YAP1: variants seen among roughly 807,000 people sequenced by gnomAD.
YAP1 encodes Yes1 associated transcriptional regulator.
In YAP1, 5 loss-of-function variants were observed where a neutral mutation model predicts 56.9. The ratio of observed to expected loss-of-function variants is 0.09; its 90% CI spans 0.05 to 0.18. The LOEUF is 0.18. Ranked by LOEUF, YAP1 falls within the 10% of genes least tolerant of loss-of-function variation. The pLI, the probability that YAP1 is intolerant of heterozygous loss-of-function variation, is 1.00. For missense variants in YAP1, 539 were observed against 651.8 expected, an observed-to-expected ratio of 0.83 and a Z score of 1.88; for synonymous variants, 265 against 248.1, an observed-to-expected ratio of 1.07 and a Z score of -0.64.
At chr11:102,181,142 G>GT (rs1440293747) in intron 3 of YAP1, among the ~76,000 whole-genome samples, 1 of 151,392 alleles carries the variant, frequency 6.6e-6, no homozygotes, top group African/African-American at 2.4e-5. Flanking sequence ...ATGAGACCCT[G>GT]CCTCAAAAAA....
rs1942840915 is a variant in YAP1 at position 102,110,743 on chromosome 11, C to T, written c.-106C>T. 2 of 1,073,278 alleles carry T rather than the reference C, an allele frequency of 1.9e-6. No individual in the cohort carries two copies. The highest frequency in any genetic ancestry group is 3.8e-5 in the South Asian group (1 of 26,180). The allele number at this position is 1,073,278 out of a possible 1,614,324, so 66.5% of individuals were successfully genotyped here. ...TGAGAGCGAGGACAGCGCCGCCCGGCCCGCAGCCGTCGCCGCTTCTCCACC... is the reference window on the plus strand; with the variant it reads ...TGAGAGCGAGGACAGCGCCGCCCGGTCCGCAGCCGTCGCCGCTTCTCCACC... On this transcript the variant is annotated 5_prime_UTR_variant, in exon 1 of 9. Coordinates refer to ENST00000282441, the MANE Select transcript of YAP1 (RefSeq NM_001130145.3).
At chr11:102,220,551 T>G (rs1565283722) in intron 6 of YAP1, among the ~76,000 whole-genome samples, 1 of 152,160 alleles carries the variant, frequency 6.6e-6, no homozygotes, top group Non-Finnish European at 1.5e-5. Context: ...AAGGTGCTTA[T>G]GCTGTTTTGA....
At chr11:102,145,765 T>C (rs1233743965) in intron 2 of YAP1, among the ~76,000 whole-genome samples, 1 of 152,230 alleles carries the variant, frequency 6.6e-6, no homozygotes, top group African/African-American at 2.4e-5. Context: ...GGATTAATAA[T>C]ACTTCATAAA....
intron 4 of YAP1, among the ~76,000 whole-genome samples, chr11:102,192,736 C>G (rs1948359042): frequency 6.6e-6 from 1 of 152,186 alleles, no homozygotes; most frequent in East Asian, 1.9e-4. Flanking sequence ...TCTCAATAGC[C>G]TTTTTGATTT....
At chr11:102,143,735 G>A (rs576098876) in intron 2 of YAP1, among the ~76,000 whole-genome samples, 3 of 152,278 alleles carry the variant, frequency 2.0e-5, no homozygotes, top group East Asian at 3.9e-4. Flanking sequence ...TGTTTTAATC[G>A]AACAGGTTAC....
intron 2 of YAP1, among the ~76,000 whole-genome samples, chr11:102,115,874 C>T (rs1943252115): frequency 6.6e-6 from 1 of 152,238 alleles, no homozygotes; most frequent in Non-Finnish European, 1.5e-5. Context: ...GAACCTCTCC[C>T]TGCTGGGTCA....
At chr11:102,141,740 A>G (rs1198514897) in intron 2 of YAP1, among the ~76,000 whole-genome samples, 1 of 152,106 alleles carries the variant, frequency 6.6e-6, no homozygotes. Context: ...TCTCATTTGA[A>G]TTTTAGGTGC....
intron 2 of YAP1, among the ~76,000 whole-genome samples, chr11:102,119,068 G>GTCT: frequency 6.6e-6 from 1 of 151,826 alleles, no homozygotes; most frequent in South Asian, 2.1e-4. Flanking sequence ...GGGAAGGCCA[G>GTCT]TCTCTGCTTG....
At chr11:102,112,773 GTGGGTTTA>G (rs1356470115) in intron 1 of YAP1, 5 of 985,204 alleles carry the variant, frequency 5.1e-6, no homozygotes, top group Non-Finnish European at 6.0e-6. Context: ...ACCCCTCGAA[GTGGGTTTA>G]TGGACTCATT....
At chr11:102,165,886 T>C (rs574403778) in intron 3 of YAP1, among the ~76,000 whole-genome samples, 508 of 152,236 alleles carry the variant, frequency 3.3e-3, no homozygotes, top group Non-Finnish European at 5.8e-3. Context: ...TAGTAGATAA[T>C]ATTGGGGAAC....
At chr11:102,129,363 G>A (rs1944236515) in intron 2 of YAP1, among the ~76,000 whole-genome samples, 1 of 152,116 alleles carries the variant, frequency 6.6e-6, no homozygotes, top group Non-Finnish European at 1.5e-5. Context: ...GCTCTCGCCT[G>A]TAATCCCAGC....
intron 2 of YAP1, among the ~76,000 whole-genome samples, chr11:102,133,337 C>T (rs1188058284): frequency 1.3e-5 from 2 of 152,002 alleles, no homozygotes; most frequent in Non-Finnish European, 2.9e-5. Context: ...ACTCTGCTAC[C>T]CCAGGGATGG....
At chr11:102,156,107 T>C (rs1267940965) in intron 2 of YAP1, among the ~76,000 whole-genome samples, 2 of 152,202 alleles carry the variant, frequency 1.3e-5, no homozygotes, top group African/African-American at 4.8e-5. Flanking sequence ...CCAATGTCTG[T>C]AACCTATATA....
At chr11:102,222,142 C>T (rs1435305161) in intron 6 of YAP1, among the ~76,000 whole-genome samples, 1 of 152,122 alleles carries the variant, frequency 6.6e-6, no homozygotes, top group Non-Finnish European at 1.5e-5. Context: ...TTCCATACTT[C>T]AGGACCCCAT....
At chr11:102,189,598 A>T (rs180730986) in intron 4 of YAP1, among the ~76,000 whole-genome samples, 1 of 152,282 alleles carries the variant, frequency 6.6e-6, no homozygotes, top group African/African-American at 2.4e-5. Context: ...CAGAATATTT[A>T]ATTCCTAACT....
intron 3 of YAP1, among the ~76,000 whole-genome samples, chr11:102,165,754 G>A (rs1049121398): frequency 6.6e-6 from 1 of 152,126 alleles, no homozygotes; most frequent in Non-Finnish European, 1.5e-5. Context: ...TTCACTGTAT[G>A]TTAACCAGGG....
intron 2 of YAP1, among the ~76,000 whole-genome samples, chr11:102,152,578 G>T (rs1416691932): frequency 6.6e-6 from 1 of 152,144 alleles, no homozygotes; most frequent in Non-Finnish European, 1.5e-5. Context: ...TGGTCAGGTG[G>T]TCTCCAAGTT....
At chr11:102,115,436 G>A (rs1334683216) in intron 2 of YAP1, among the ~76,000 whole-genome samples, 2 of 152,114 alleles carry the variant, frequency 1.3e-5, no homozygotes, top group African/African-American at 4.8e-5. Flanking sequence ...ATCCTAGTAT[G>A]TGTTTTATAT....
intron 2 of YAP1, among the ~76,000 whole-genome samples, chr11:102,121,430 C>A (rs1334524046): frequency 1.1e-5 from 1 of 94,454 alleles, no homozygotes; most frequent in Non-Finnish European, 2.1e-5. Context: ...GGGAGTGAGA[C>A]CTTGTCTCAA....
Sources: gnomAD v4.1 joint callset for allele counts (sites outside exome capture counted in the v4.1 genomes callset) on GRCh38, gnomAD v4.1.1 for gene constraint, MANE v1.5 for transcripts, NCBI Gene and HGNC (gene_info 2026-07-23, HGNC 2026-07-21) for gene names.